The following HTR4 variants were observed in gnomAD, a reference collection of about 807,000 sequenced individuals.
HTR4 encodes 5-hydroxytryptamine receptor 4, also known as 5-hydroxytryptamine (serotonin) receptor 4, G protein-coupled.
HTR4 carries 16 observed loss-of-function variants against 36.8 expected under a neutral mutation model. That is an observed-to-expected ratio of 0.43 (90% CI 0.29 to 0.66). The LOEUF is 0.66. Among genes scored for constraint, HTR4 ranks in the 30% least tolerant of loss-of-function variants. HTR4 has a pLI of 0.13. For synonymous variants in HTR4, 189 were observed against 185.1 expected, an observed-to-expected ratio of 1.02 and a Z score of -0.17; for missense variants, 438 against 490.9, an observed-to-expected ratio of 0.89 and a Z score of 1.02.
chr5:148,545,965 T>G (rs993875245), intron 4 of HTR4, among the ~76,000 whole-genome samples: 10 of 152,078 alleles, frequency 6.6e-5, no homozygotes, highest in Non-Finnish European at 1.0e-4. Flanking sequence ...ATTAGGAAAG[T>G]GTTGAGTGAT....
intron 1 of HTR4, chr5:148,645,454 A>C (rs1581583583): frequency 6.6e-6 from 1 of 152,202 alleles, no homozygotes; most frequent in Non-Finnish European, 1.5e-5. Flanking sequence ...AAAAATGTAA[A>C]CATCTTTTTT....
chr5:148,573,063 G>A (rs1265871867), intron 2 of HTR4, among the ~76,000 whole-genome samples: 1 of 152,098 alleles, frequency 6.6e-6, no homozygotes, highest in Non-Finnish European at 1.5e-5. Flanking sequence ...CAGCTCAGAG[G>A]TTCTGGAGCA....
intron 1 of HTR4, chr5:148,645,976 T>C (rs1753867902): frequency 6.6e-6 from 1 of 152,236 alleles, no homozygotes; most frequent in African/African-American, 2.4e-5. Flanking sequence ...GCAGGTCAAA[T>C]CAAAATTTGC....
At chr5:148,513,512 T>C (rs1305435622) in intron 5 of HTR4, among the ~76,000 whole-genome samples, 1 of 152,238 alleles carries the variant, frequency 6.6e-6, no homozygotes, top group African/African-American at 2.4e-5. Flanking sequence ...TCTCTCTGCA[T>C]GTACTGCTTT....
At chr5:148,650,658 T>C (rs953802405) in intron 1 of HTR4, among the ~76,000 whole-genome samples, 2 of 152,160 alleles carry the variant, frequency 1.3e-5, no homozygotes, top group African/African-American at 4.8e-5. Flanking sequence ...AATAAAGGTA[T>C]AATTCACTGT....
chr5:148,617,253 C>T (rs1287265668), intron 2 of HTR4, among the ~76,000 whole-genome samples: 2 of 152,158 alleles, frequency 1.3e-5, no homozygotes, highest in African/African-American at 2.4e-5. Context: ...CTTGCTCCTG[C>T]TTTGGTGCCT....
intron 4 of HTR4, among the ~76,000 whole-genome samples, chr5:148,537,526 A>G (rs924713586): frequency 2.6e-5 from 4 of 152,154 alleles, no homozygotes; most frequent in Admixed American, 2.6e-4. Flanking sequence ...AGAGATCTGA[A>G]TAAACACAAT....
intron 6 of HTR4, among the ~76,000 whole-genome samples, chr5:148,504,741 C>T (rs537816200): frequency 2.2e-4 from 33 of 151,956 alleles, no homozygotes; most frequent in African/African-American, 6.8e-4. Flanking sequence ...ATTGATAGAC[C>T]GCTAGCAAGA....
intron 2 of HTR4, among the ~76,000 whole-genome samples, chr5:148,582,793 A>C (rs1047483748): frequency 6.6e-6 from 1 of 152,142 alleles, no homozygotes; most frequent in East Asian, 1.9e-4. Flanking sequence ...TTGTATCCTG[A>C]GACTTTGCTG....
intron 5 of HTR4, among the ~76,000 whole-genome samples, chr5:148,463,578 G>A (rs1045592946): frequency 4.6e-5 from 7 of 151,962 alleles, no homozygotes; most frequent in African/African-American, 1.2e-4. Flanking sequence ...TATCAAATAC[G>A]AACATAAATG....
chr5:148,484,175 T>C (rs1239563818), intron 6 of HTR4: 2 of 1,387,972 alleles, frequency 1.4e-6, no homozygotes, highest in Non-Finnish European at 2.0e-6. Context: ...CAATGGTAGA[T>C]ATTTCAGTTT....
At chr5:148,485,150 A>G (rs1028125189) in intron 6 of HTR4, among the ~76,000 whole-genome samples, 1 of 152,222 alleles carries the variant, frequency 6.6e-6, no homozygotes, top group Non-Finnish European at 1.5e-5. Flanking sequence ...TATTGTCATT[A>G]TTAGCAACGA....
intron 6 of HTR4, among the ~76,000 whole-genome samples, chr5:148,495,051 G>A (rs1405466525): frequency 6.6e-6 from 1 of 152,156 alleles, no homozygotes; most frequent in African/African-American, 2.4e-5. Flanking sequence ...CTCAGGAATT[G>A]GGTAAGTGTC....
chr5:148,609,668 C>T (rs992793608), intron 2 of HTR4, among the ~76,000 whole-genome samples: 2 of 151,496 alleles, frequency 1.3e-5, no homozygotes, highest in Non-Finnish European at 2.9e-5. Flanking sequence ...AGGGTTCATG[C>T]CATTCTCCTG....
intron 5 of HTR4, among the ~76,000 whole-genome samples, chr5:148,456,840 C>G (rs191804112): frequency 4.0e-4 from 61 of 152,316 alleles, no homozygotes; most frequent in African/African-American, 1.4e-3. Flanking sequence ...TGAGATAATG[C>G]ACATATAATG....
chr5:148,636,776 G>A (rs1753555794), intron 2 of HTR4, among the ~76,000 whole-genome samples: 2 of 152,138 alleles, frequency 1.3e-5, no homozygotes, highest in African/African-American at 2.4e-5. Context: ...AGTATAGGAA[G>A]CTGGAAATGT....
intron 4 of HTR4, among the ~76,000 whole-genome samples, chr5:148,527,224 G>A (rs192222483): frequency 7.5e-4 from 114 of 152,172 alleles, no homozygotes; most frequent in African/African-American, 2.6e-3. Flanking sequence ...CAAAAAGTAC[G>A]TTTCAGAAAG....
intron 6 of HTR4, chr5:148,509,189 A>T (rs1757370874): frequency 5.2e-6 from 2 of 382,456 alleles, no homozygotes; most frequent in East Asian, 8.8e-5. Flanking sequence ...AGTTTTTAAA[A>T]AATGAAATTG....
chr5:148,595,064 T>C (rs986704677), intron 2 of HTR4, among the ~76,000 whole-genome samples: 14 of 151,458 alleles, frequency 9.2e-5, no homozygotes, highest in African/African-American at 3.2e-4. Flanking sequence ...ATTGTTATAC[T>C]TTTTTCTCTG....
Sources: gnomAD v4.1 joint callset for allele counts (sites outside exome capture counted in the v4.1 genomes callset) on GRCh38, gnomAD v4.1.1 for gene constraint, MANE v1.5 for transcripts, NCBI Gene and HGNC (gene_info 2026-07-23, HGNC 2026-07-21) for gene names.